PRKN: variants seen among roughly 807,000 people sequenced by gnomAD.
PRKN encodes the protein parkin RBR E3 ubiquitin protein ligase.
Under a neutral mutation model 59.5 loss-of-function variants are expected in PRKN, and 56 were observed. That is an observed-to-expected ratio of 0.94 (90% CI 0.76 to 1.18). PRKN has a LOEUF of 1.18. PRKN is among the 50% of genes most tolerant of loss of function. PRKN has a pLI of 0.00. For synonymous variants in PRKN, 250 were observed against 222.1 expected (o/e 1.13, Z -1.12); for missense variants, 657 against 596.4 (o/e 1.10, Z -1.06).
chr6:162,078,557 C>T (rs1205460074), intron 4 of PRKN, among the ~76,000 whole-genome samples: 5 of 152,060 alleles, frequency 3.3e-5, no homozygotes, highest in East Asian at 3.9e-4. Context: ...GCCAAGAAAA[C>T]AGTTATATTT....
At chr6:162,301,232 A>G (rs1304725014) in intron 2 of PRKN, among the ~76,000 whole-genome samples, 1 of 152,132 alleles carries the variant, frequency 6.6e-6, no homozygotes, top group Admixed American at 6.5e-5. Context: ...TTGCCAAAGT[A>G]AAGTAGCGCG....
chr6:161,545,342 T>C lies in PRKN; in HGVS notation c.1083+3512A>G. ...CACATCTGGAACTCTGTAATTCTTCTATAGCTTTGCTACCAATGACTTTTC... is the reference window on the plus strand; with the variant it reads ...CACATCTGGAACTCTGTAATTCTTCCATAGCTTTGCTACCAATGACTTTTC... On this transcript the variant is annotated intron_variant, in intron 9 of 11. Transcript: ENST00000366898. This position sits in a 1 kb window ranked among gnomAD's most constrained non-coding sequence, Gnocchi z 4.1. 3 of 1,604,154 alleles carry C rather than the reference T, an allele frequency of 1.9e-6. No individual in the cohort carries two copies. The highest frequency in any genetic ancestry group is 1.1e-5 in the South Asian group (1 of 89,534).
chr6:161,760,648 C>A (rs938390298), intron 7 of PRKN, among the ~76,000 whole-genome samples: 1 of 152,206 alleles, frequency 6.6e-6, no homozygotes, highest in African/African-American at 2.4e-5. Context: ...TCTTACCCAC[C>A]CTTTAAATTG....
intron 2 of PRKN, among the ~76,000 whole-genome samples, chr6:162,375,357 T>G (rs1464054082): frequency 1.3e-5 from 2 of 150,172 alleles, no homozygotes; most frequent in African/African-American, 4.9e-5. Context: ...GCCACTGGAG[T>G]AGGGGTGGGG....
intron 1 of PRKN, among the ~76,000 whole-genome samples, chr6:162,649,263 A>G (rs1220022422): frequency 6.6e-6 from 1 of 152,158 alleles, no homozygotes; most frequent in Non-Finnish European, 1.5e-5. Flanking sequence ...AAAAATCTCT[A>G]TTTTCATGGG....
chr6:161,573,253 TAAAATGACAGC>T (rs61715219), intron 7 of PRKN, among the ~76,000 whole-genome samples: 94,245 of 151,520 alleles, frequency 0.62, 29,713 homozygotes, highest in African/African-American at 0.72. Context: ...TTAGTGTCAG[TAAAATGACAGC>T]CTCTGGCGTA....
intron 1 of PRKN, among the ~76,000 whole-genome samples, chr6:162,475,531 A>G (rs190274261): frequency 2.0e-5 from 3 of 152,280 alleles, no homozygotes; most frequent in Non-Finnish European, 4.4e-5. Flanking sequence ...GCGCAGGTAC[A>G]TGCATGTATG....
chr6:162,703,953 C>A (rs573878524), intron 1 of PRKN, among the ~76,000 whole-genome samples: 1 of 152,288 alleles, frequency 6.6e-6, no homozygotes, highest in Non-Finnish European at 1.5e-5. Context: ...AGATGAGGCC[C>A]TTCTCACGTG....
At chr6:162,517,679 T>G (rs73037934) in intron 1 of PRKN, among the ~76,000 whole-genome samples, 13,613 of 152,220 alleles carry the variant, frequency 0.089, 658 homozygotes, top group South Asian at 0.17. Flanking sequence ...TTCAAGAGCC[T>G]GGCAAGCACC....
At chr6:162,297,738 A>G (rs1399866122) in intron 2 of PRKN, among the ~76,000 whole-genome samples, 1 of 152,154 alleles carries the variant, frequency 6.6e-6, no homozygotes, top group Non-Finnish European at 1.5e-5. Flanking sequence ...AGAGACAAAG[A>G]ATAAATTTCC....
chr6:162,556,401 G>GTGTGTC lies in PRKN; in HGVS notation c.8-112929_8-112928insGACACA, dbSNP rs776385523. 9.0e-3 allele frequency among the ~76,000 whole-genome samples: 1,181 copies of GTGTGTC among 131,148 alleles called. 19 individuals carry two copies. Among genetic ancestry groups the GTGTGTC allele is most frequent in the South Asian group, 0.018 (68 of 3,732 alleles). 86.0% of individuals were successfully genotyped at this position (131,148 alleles called of 152,430 possible). ...TGTGTGTGTGTGTGTGTGTGTGTGT[G>GTGTGTC]TGTCAGTTTGGCAGACGCCTTCTTT... On this transcript the variant is annotated intron_variant, in intron 1 of 11. Coordinates refer to ENST00000366898, the MANE Select transcript of PRKN (RefSeq NM_004562.3).
chr6:161,751,770 G>A (rs1380309385), intron 7 of PRKN, among the ~76,000 whole-genome samples: 4 of 152,142 alleles, frequency 2.6e-5, no homozygotes, highest in South Asian at 2.1e-4. Flanking sequence ...AAATTATTAC[G>A]TGGGGTATAA....
At chr6:161,972,420 G>A (rs540187680) in intron 6 of PRKN, among the ~76,000 whole-genome samples, 30 of 152,228 alleles carry the variant, frequency 2.0e-4, no homozygotes, top group African/African-American at 7.0e-4. Flanking sequence ...GTAAGGAATT[G>A]TACTCTGAAT....
chr6:162,724,315 T>C (rs898362581), intron 1 of PRKN, among the ~76,000 whole-genome samples: 3 of 152,228 alleles, frequency 2.0e-5, no homozygotes, highest in Admixed American at 6.5e-5. Context: ...TATGTTTCTG[T>C]AGCTGCCTGG....
intron 4 of PRKN, among the ~76,000 whole-genome samples, chr6:162,098,708 T>C (rs1322613855): frequency 6.6e-6 from 1 of 152,252 alleles, no homozygotes; most frequent in Non-Finnish European, 1.5e-5. Flanking sequence ...CTACTTATCC[T>C]GTAAAAGTCA....
intron 1 of PRKN, among the ~76,000 whole-genome samples, chr6:162,538,165 A>T (rs1171623382): frequency 6.6e-6 from 1 of 152,158 alleles, no homozygotes; most frequent in Non-Finnish European, 1.5e-5. Context: ...TTGAGAGGCC[A>T]AGGCGGGTGG....
At chr6:161,838,460 C>T (rs543445064) in intron 6 of PRKN, among the ~76,000 whole-genome samples, 41 of 152,276 alleles carry the variant, frequency 2.7e-4, no homozygotes, top group African/African-American at 9.4e-4. Flanking sequence ...TTCAGCCTTC[C>T]GAGCCTCAGG....
chr6:161,391,826 T>C lies in PRKN; in HGVS notation c.1084-4949A>G, dbSNP rs1786515437. Among the ~76,000 whole-genome samples, 1 of 152,058 alleles carries C rather than the reference T, an allele frequency of 6.6e-6. No individual in the cohort carries two copies. Among genetic ancestry groups the C allele is most frequent in the African/African-American group, 2.4e-5 (1 of 41,370 alleles). On this transcript the variant is annotated intron_variant, in intron 9 of 11. Coordinates refer to ENST00000366898, the MANE Select transcript of PRKN (RefSeq NM_004562.3). The surrounding 1 kb of genome is among the most constrained non-coding windows in gnomAD (Gnocchi z 4.9). ...ACCTGTGGACAGCAGCGTCAGGCTG[T>C]GCTCAAGAGTTCCAGCCTGCCCTTC...
chr6:162,223,730 A>G (rs1327174154), intron 3 of PRKN, among the ~76,000 whole-genome samples: 1 of 151,178 alleles, frequency 6.6e-6, no homozygotes, highest in Non-Finnish European at 1.5e-5. Context: ...CTACCTTTGT[A>G]TCTCTTTCTT....
Sources: allele counts gnomAD v4.1 joint callset (sites outside exome capture counted in the v4.1 genomes callset), GRCh38; gene constraint gnomAD v4.1.1; non-coding constraint Gnocchi (gnomAD v3.1); transcripts MANE v1.5; gene names NCBI Gene and HGNC (gene_info 2026-07-23, HGNC 2026-07-21).